Variants in DENND5B observed in about 807,000 individuals in gnomAD.
The protein encoded by DENND5B is DENN domain containing 5B, also known as DENN domain-containing protein 5B.
In DENND5B, 34 loss-of-function variants were observed where a neutral mutation model predicts 140.6. The ratio of observed to expected loss-of-function variants is 0.24; its 90% CI spans 0.18 to 0.32. DENND5B has a LOEUF of 0.32. Among genes scored for constraint, DENND5B ranks in the 10% least tolerant of loss-of-function variants. The probability of loss-of-function intolerance (pLI) is 1.00; values close to 1 mark genes in which losing one functional copy is unlikely to be tolerated. For missense variants in DENND5B, 1,142 were observed against 1,560.2 expected, an observed-to-expected ratio of 0.73 and a Z score of 4.52; for synonymous variants, 551 against 562.1, an observed-to-expected ratio of 0.98 and a Z score of 0.28.
intron 8 of DENND5B, chr12:31,432,100 G>T: frequency 1.0e-6 from 1 of 985,146 alleles, no homozygotes; most frequent in Non-Finnish European, 1.2e-6. Context: ...GTGGACCCTG[G>T]TCCCACTCCC....
intron 1 of DENND5B, among the ~76,000 whole-genome samples, chr12:31,578,605 C>A (rs1472785532): frequency 6.6e-6 from 1 of 152,150 alleles, no homozygotes; most frequent in Non-Finnish European, 1.5e-5. Flanking sequence ...AAAATAATAT[C>A]ATTAGAGGGA....
In DENND5B at chr12:31,575,503, T is replaced by TA. The variant is rs758598102; in HGVS notation, c.127+15202dup. Among the ~76,000 whole-genome samples, 3 of 152,136 alleles carry TA rather than the reference T, an allele frequency of 2.0e-5. No homozygotes were observed. In the East Asian group the frequency reaches 5.8e-4, roughly 29 times the overall value. The stretch of plus-strand genomic sequence containing the variant: ...CTGTTTTAGTCCTGATCTACAGCAA[T>TA]AAAAAATTGATATAAATTTAATATC... On this transcript the variant is annotated intron_variant, in intron 1 of 20. Transcript: ENST00000389082.
intron 1 of DENND5B, among the ~76,000 whole-genome samples, chr12:31,498,212 C>T (rs1381348706): frequency 6.6e-6 from 1 of 152,214 alleles, no homozygotes; most frequent in South Asian, 2.1e-4. Context: ...AAATATGAAA[C>T]ACTGCAGAAG....
chr12:31,448,260 G>A (rs1270571884), intron 5 of DENND5B, among the ~76,000 whole-genome samples: 33 of 151,988 alleles, frequency 2.2e-4, no homozygotes, highest in Non-Finnish European at 1.8e-4. Flanking sequence ...TCAGCCTCCT[G>A]AGTAGCTGGG....
At chr12:31,441,460 T>A (rs1944026610) in intron 7 of DENND5B, among the ~76,000 whole-genome samples, 1 of 151,860 alleles carries the variant, frequency 6.6e-6, no homozygotes, top group African/African-American at 2.4e-5. Context: ...AGTGCTGGGA[T>A]TACAGGCGTG....
intron 3 of DENND5B, among the ~76,000 whole-genome samples, chr12:31,474,487 C>G (rs1945702269): frequency 6.6e-6 from 1 of 152,096 alleles, no homozygotes; most frequent in South Asian, 2.1e-4. Flanking sequence ...TAGCTAGTTA[C>G]CACTGCAAAG....
chr12:31,519,862 T>C lies in DENND5B; in HGVS notation c.128-23943A>G, dbSNP rs1293270499. 3.3e-5 allele frequency among the ~76,000 whole-genome samples: 5 copies of C among 152,238 alleles called. No homozygotes were observed. In the East Asian group the frequency reaches 9.6e-4, roughly 29 times the overall value. On this transcript the variant is annotated intron_variant, in intron 1 of 20. Transcript: ENST00000389082. ...CAATTCAGTGATTTTAGTATATTTA[T>C]AGAGTTGTGTGAGCATCACTACTAT...
chr12:31,541,173 AC>A (rs1392935496), intron 1 of DENND5B: 1 of 268,628 alleles, frequency 3.7e-6, no homozygotes, highest in Non-Finnish European at 7.6e-6. Flanking sequence ...GTAATACCCC[AC>A]AAGCACAGGC....
At position 31,402,523 on chromosome 12, in the gene DENND5B, T is replaced by C. The variant is rs746901892; in HGVS notation, c.2924A>G (p.Lys975Arg). 2.1e-5 allele frequency: 34 copies of C among 1,613,488 alleles called. No individual in the cohort carries two copies. In the Admixed American group the frequency reaches 3.3e-4, roughly 16 times the overall value. ...CTCAAAGGTCATTTCGAGGAGGTTT[T>C]TGGGAATCTGCATTACTCCTGTGTC... ...LGDTGVMQIP[K>R]NLLEMTFECQ... Residue 975 changes from lysine to arginine, a missense_variant, in exon 15 of 21, where the codon AAA becomes AGA. Physicochemically the swap from Lys to Arg is conservative, Grantham distance 26 (BLOSUM62 2). Transcript: ENST00000389082.
intron 3 of DENND5B, among the ~76,000 whole-genome samples, chr12:31,462,605 G>A (rs1338910522): frequency 6.6e-6 from 1 of 152,050 alleles, no homozygotes; most frequent in Admixed American, 6.6e-5. Context: ...AAAATTTACT[G>A]ATAACTACTA....
intron 15 of DENND5B, among the ~76,000 whole-genome samples, chr12:31,402,018 G>C (rs778302134): frequency 4.1e-5 from 6 of 147,710 alleles, no homozygotes; most frequent in Non-Finnish European, 8.9e-5. Flanking sequence ...AGGTTGCAAC[G>C]AGTGAAGATC....
intron 1 of DENND5B, among the ~76,000 whole-genome samples, chr12:31,558,622 AC>A (rs1227384440): frequency 6.6e-6 from 1 of 152,174 alleles, no homozygotes; most frequent in Non-Finnish European, 1.5e-5. Flanking sequence ...TGAATCTATT[AC>A]TCATGAATAA....
intron 1 of DENND5B, among the ~76,000 whole-genome samples, chr12:31,534,131 T>A (rs1948395292): frequency 6.6e-6 from 1 of 151,978 alleles, no homozygotes. Flanking sequence ...CCAAAAATAA[T>A]CAGTTTCTGT....
intron 1 of DENND5B, chr12:31,534,879 CT>C: frequency 2.4e-6 from 1 of 415,094 alleles, no homozygotes; most frequent in South Asian, 2.0e-5. Flanking sequence ...TTGCTGTCTC[CT>C]TTCCCAGCAG....
At chr12:31,585,624 G>A (rs1950370317) in intron 1 of DENND5B, among the ~76,000 whole-genome samples, 1 of 152,076 alleles carries the variant, frequency 6.6e-6, no homozygotes, top group Non-Finnish European at 1.5e-5. Flanking sequence ...AATCTGAGAG[G>A]GCCCTTAATC....
intron 1 of DENND5B, among the ~76,000 whole-genome samples, chr12:31,499,024 T>C (rs1371547016): frequency 6.7e-6 from 1 of 149,094 alleles, no homozygotes; most frequent in Non-Finnish European, 1.5e-5. Context: ...CAGCTATTCC[T>C]ACTAGCACTG....
intron 8 of DENND5B, among the ~76,000 whole-genome samples, chr12:31,427,116 C>T (rs944615609): frequency 5.3e-4 from 80 of 152,242 alleles, no homozygotes; most frequent in African/African-American, 1.8e-3. Flanking sequence ...TTTGCTAAAG[C>T]CCTACCTTGC....
chr12:31,572,244 GGCACATAAAGCACATATT>G (rs1949852181), intron 1 of DENND5B, among the ~76,000 whole-genome samples: 1 of 151,290 alleles, frequency 6.6e-6, no homozygotes, highest in African/African-American at 2.4e-5. Flanking sequence ...AAGAAAAAAA[GGCACATAAAGCACATATT>G]GCCTTTTGTT....
intron 14 of DENND5B, among the ~76,000 whole-genome samples, chr12:31,407,505 C>T (rs1466532013): frequency 6.6e-6 from 1 of 152,218 alleles, no homozygotes; most frequent in Admixed American, 6.5e-5. Flanking sequence ...ACTTGACAGG[C>T]ATTACAGGAT....
Sources: allele counts gnomAD v4.1 joint callset (sites outside exome capture counted in the v4.1 genomes callset), GRCh38; gene constraint gnomAD v4.1.1; transcripts MANE v1.5; gene names NCBI Gene and HGNC (gene_info 2026-07-23, HGNC 2026-07-21).